IMMP2L: variants seen among roughly 807,000 people sequenced by gnomAD.
IMMP2L encodes mitochondrial inner membrane protease subunit 2.
IMMP2L carries 18 observed loss-of-function variants against 19.3 expected under a neutral mutation model. The ratio of observed to expected loss-of-function variants is 0.93; its 90% CI spans 0.64 to 1.38. The LOEUF (loss-of-function observed/expected upper bound fraction) is 1.38, where lower values mean the gene tolerates loss of function less well. Among genes scored for constraint, IMMP2L ranks in the 40% most tolerant of loss-of-function variants. The pLI is 0.00. For synonymous variants in IMMP2L, 76 were observed against 73.0 expected (o/e 1.04, Z -0.21); for missense variants, 233 against 218.2 (o/e 1.07, Z -0.43).
At chr7:110,990,380 T>A (rs1822328970) in intron 3 of IMMP2L, among the ~76,000 whole-genome samples, 1 of 152,172 alleles carries the variant, frequency 6.6e-6, no homozygotes, top group Admixed American at 6.6e-5. Flanking sequence ...GGCCACATTT[T>A]AGATCACAGA....
chr7:110,792,245 C>T (rs982603782), intron 5 of IMMP2L, among the ~76,000 whole-genome samples: 1 of 151,510 alleles, frequency 6.6e-6, no homozygotes, highest in African/African-American at 2.4e-5. Flanking sequence ...AATTTTCTTA[C>T]ATGAAAAGGG....
intron 3 of IMMP2L, among the ~76,000 whole-genome samples, chr7:111,303,717 C>T (rs1438807378): frequency 6.6e-6 from 1 of 152,068 alleles, no homozygotes; most frequent in Non-Finnish European, 1.5e-5. Flanking sequence ...AAGATATGGG[C>T]TTCACACATT....
intron 3 of IMMP2L, among the ~76,000 whole-genome samples, chr7:110,989,315 T>A (rs1412171224): frequency 6.6e-6 from 1 of 151,760 alleles, no homozygotes; most frequent in Non-Finnish European, 1.5e-5. Flanking sequence ...AGTGGGAGGA[T>A]CCCTTAAGCC....
chr7:110,688,606 A>G (rs935308244), intron 5 of IMMP2L, among the ~76,000 whole-genome samples: 3 of 152,114 alleles, frequency 2.0e-5, no homozygotes, highest in African/African-American at 7.2e-5. Flanking sequence ...AAAAACTAGG[A>G]CAAGTTTGCA....
chr7:111,206,705 ACAGT>A (rs946354252), intron 3 of IMMP2L, among the ~76,000 whole-genome samples: 3 of 152,208 alleles, frequency 2.0e-5, no homozygotes, highest in African/African-American at 7.2e-5. Context: ...ATTATTAACT[ACAGT>A]CACTCTATTG....
intron 3 of IMMP2L, among the ~76,000 whole-genome samples, chr7:111,133,618 T>C (rs1212131944): frequency 2.6e-5 from 4 of 151,982 alleles, no homozygotes; most frequent in Non-Finnish European, 5.9e-5. Flanking sequence ...AAAAAATGAC[T>C]ATGCCAAATT....
intron 3 of IMMP2L, among the ~76,000 whole-genome samples, chr7:111,327,842 C>A (rs2130611306): frequency 6.6e-6 from 1 of 151,554 alleles, no homozygotes; most frequent in Non-Finnish European, 1.5e-5. Context: ...ACAAGAAATT[C>A]TTAATTCTCC....
At chr7:110,816,896 C>A (rs975001799) in intron 5 of IMMP2L, among the ~76,000 whole-genome samples, 1 of 152,130 alleles carries the variant, frequency 6.6e-6, no homozygotes, top group Non-Finnish European at 1.5e-5. Flanking sequence ...ATATACGACA[C>A]TGATGGGTCT....
At chr7:111,442,828 C>A (rs1837881752) in intron 3 of IMMP2L, among the ~76,000 whole-genome samples, 1 of 151,772 alleles carries the variant, frequency 6.6e-6, no homozygotes, top group Non-Finnish European at 1.5e-5. Flanking sequence ...TAAATTTGCC[C>A]ATATAGTTAA....
intron 3 of IMMP2L, among the ~76,000 whole-genome samples, chr7:111,423,000 G>T (rs1265813947): frequency 6.6e-6 from 1 of 151,844 alleles, no homozygotes; most frequent in African/African-American, 2.4e-5. Context: ...CATTGGTTCT[G>T]TTTAAGTGAT....
intron 2 of IMMP2L, among the ~76,000 whole-genome samples, chr7:111,515,715 C>G (rs925233948): frequency 1.3e-5 from 2 of 152,050 alleles, no homozygotes; most frequent in African/African-American, 2.4e-5. Flanking sequence ...ATAGTCTAAT[C>G]CCTTCTTATA....
chr7:111,435,265 A>G lies in IMMP2L; in HGVS notation c.239+51973T>C, dbSNP rs117683559. Among the ~76,000 whole-genome samples, 37 of 152,012 alleles carry G rather than the reference A, an allele frequency of 2.4e-4. 1 individual carries two copies. In the East Asian group the frequency reaches 7.2e-3, roughly 29 times the overall value. Reference sequence around the variant, plus strand: ...ATCACTGCACTAGTCACAATAGCAAAGGTATGGAATCAACCTAAATGTCCA... The same window carrying G: ...ATCACTGCACTAGTCACAATAGCAAGGGTATGGAATCAACCTAAATGTCCA... On this transcript the variant is annotated intron_variant, in intron 3 of 5. Transcript: ENST00000405709.
intron 5 of IMMP2L, among the ~76,000 whole-genome samples, chr7:110,806,062 C>T (rs1584886797): frequency 6.6e-6 from 1 of 151,878 alleles, no homozygotes; most frequent in Admixed American, 6.6e-5. Context: ...ATTCTTAGGC[C>T]AAAGACTGCA....
chr7:111,484,200 T>C (rs1842428813), intron 3 of IMMP2L, among the ~76,000 whole-genome samples: 1 of 152,162 alleles, frequency 6.6e-6, no homozygotes, highest in African/African-American at 2.4e-5. Flanking sequence ...GCAGTTTAAT[T>C]ATTAGAAACT....
At chr7:111,014,606 T>G (rs1228903094) in intron 3 of IMMP2L, among the ~76,000 whole-genome samples, 1 of 152,090 alleles carries the variant, frequency 6.6e-6, no homozygotes, top group African/African-American at 2.4e-5. Flanking sequence ...TTAAAACTTT[T>G]GTGCATCAAA....
At chr7:110,782,155 T>C (rs1357405514) in intron 5 of IMMP2L, among the ~76,000 whole-genome samples, 2 of 151,848 alleles carry the variant, frequency 1.3e-5, no homozygotes, top group Non-Finnish European at 2.9e-5. Context: ...CTCCCCAGCA[T>C]TTAAATCCAG....
intron 5 of IMMP2L, among the ~76,000 whole-genome samples, chr7:110,729,364 C>T (rs959040620): frequency 3.3e-5 from 5 of 152,216 alleles, no homozygotes; most frequent in Admixed American, 6.5e-5. Flanking sequence ...AGACAGACAG[C>T]GCATGGAGAA....
intron 3 of IMMP2L, among the ~76,000 whole-genome samples, chr7:111,347,093 GTC>G (rs1481401207): frequency 2.0e-5 from 3 of 152,244 alleles, no homozygotes; most frequent in South Asian, 4.1e-4. Context: ...CGACTGCCAA[GTC>G]TCTGCTTAGG....
rs1426303607 is a variant in IMMP2L at position 111,106,521 on chromosome 7, G to GTGGA, written c.240-142960_240-142957dup. Among the ~76,000 whole-genome samples the GTGGA allele has an allele frequency of 3.3e-5, 5 of 151,820 alleles. No homozygotes were observed. The East Asian group carries it at 9.7e-4, about 29-fold the overall frequency. ...CTTCTACCATCACCATTTTTGCCAT[G>GTGGA]TGGAAACTTCTCATGAACTTCTCAC... On this transcript the variant is annotated intron_variant, in intron 3 of 5. Coordinates refer to ENST00000405709, the MANE Select transcript of IMMP2L (RefSeq NM_032549.4).
Sources: gnomAD v4.1 joint callset for allele counts (sites outside exome capture counted in the v4.1 genomes callset) on GRCh38, gnomAD v4.1.1 for gene constraint, MANE v1.5 for transcripts, NCBI Gene and HGNC (gene_info 2026-07-23, HGNC 2026-07-21) for gene names.